The following PPP3CA variants were observed in gnomAD, a reference collection of about 807,000 sequenced individuals.
The protein encoded by PPP3CA is CAM-PRP catalytic subunit.
A neutral mutation model predicts 66.5 loss-of-function variants in PPP3CA; 14 were observed. The ratio of observed to expected loss-of-function variants is 0.21; its 90% confidence interval spans 0.14 to 0.33. The LOEUF (loss-of-function observed/expected upper bound fraction) is 0.33. Among genes scored for constraint, PPP3CA ranks in the 10% least tolerant of loss-of-function variants. The pLI is 1.00. For synonymous variants in PPP3CA, 232 were observed against 226.2 expected (o/e 1.03, Z -0.23); for missense variants, 317 against 639.5 (o/e 0.50, Z 5.44).
rs575433591 is a variant in PPP3CA at position 101,110,842 on chromosome 4, C to A, written c.260-1764G>T. On this transcript the variant is annotated intron_variant, in intron 2 of 13. Coordinates refer to ENST00000394854, the MANE Select transcript of PPP3CA (RefSeq NM_000944.5). ...GTCCAAGCATTGCCAGGCATGGATG[C>A]CAGTACCTGCTCTGGGGACTTCCAC... Among the ~76,000 whole-genome samples, 3 of 152,152 alleles carry A rather than the reference C, an allele frequency of 2.0e-5. No homozygotes were observed. The South Asian group carries it at 6.2e-4, about 32-fold the overall frequency.
At position 101,196,201 on chromosome 4, in the gene PPP3CA, T is replaced by A. The variant is rs1212891041; in HGVS notation, c.59-85A>T. On this transcript the variant is annotated intron_variant, in intron 1 of 13. Transcript: ENST00000394854. ...AATAACCACCAAATATCCATCCTCA[T>A]CACAAACCAACTAATATAATATTTT... The A allele has an allele frequency of 6.6e-6, 8 of 1,208,738 alleles. No homozygotes were observed. The East Asian group carries it at 2.0e-4, about 30-fold the overall frequency. 74.9% of individuals were successfully genotyped at this position (1,208,738 alleles called of 1,614,324 possible).
At chr4:101,065,074 A>G (rs1022520152) in intron 8 of PPP3CA, among the ~76,000 whole-genome samples, 1 of 152,014 alleles carries the variant, frequency 6.6e-6, no homozygotes. Flanking sequence ...CCTGTGGAAT[A>G]CTAATTCCTG....
intron 10 of PPP3CA, among the ~76,000 whole-genome samples, chr4:101,050,876 C>T (rs1404508979): frequency 6.6e-6 from 1 of 152,060 alleles, no homozygotes; most frequent in Admixed American, 6.6e-5. Context: ...ATGAACATTC[C>T]AGTTTTTCAA....
intron 2 of PPP3CA, among the ~76,000 whole-genome samples, chr4:101,147,977 C>T (rs1056353678): frequency 1.3e-5 from 2 of 152,142 alleles, no homozygotes; most frequent in Non-Finnish European, 1.5e-5. Flanking sequence ...AAAATAGACA[C>T]AATCAGGTAA....
At chr4:101,214,281 GCCTGAGTGT>G (rs137908745) in intron 1 of PPP3CA, among the ~76,000 whole-genome samples, 15,583 of 151,916 alleles carry the variant, frequency 0.1, 2,579 homozygotes, top group African/African-American at 0.35. Context: ...ATCCTACTAT[GCCTGAGTGT>G]CCTCATCTGT....
chr4:101,343,294 T>G (rs1298178588), intron 1 of PPP3CA, among the ~76,000 whole-genome samples: 1 of 152,178 alleles, frequency 6.6e-6, no homozygotes, highest in African/African-American at 2.4e-5. Context: ...CCTCTAAGTA[T>G]TTTTAACTAT....
At chr4:101,285,728 A>G (rs1727827198) in intron 1 of PPP3CA, among the ~76,000 whole-genome samples, 1 of 151,912 alleles carries the variant, frequency 6.6e-6, no homozygotes, top group South Asian at 2.1e-4. Flanking sequence ...AGCACGACCC[A>G]CAAAGTCAAC....
chr4:101,121,190 A>G (rs1722016155), intron 2 of PPP3CA, among the ~76,000 whole-genome samples: 2 of 152,084 alleles, frequency 1.3e-5, no homozygotes, highest in Non-Finnish European at 2.9e-5. Flanking sequence ...AGGATTATCA[A>G]TCAACTCTTC....
chr4:101,324,962 A>G (rs1729166693), intron 1 of PPP3CA, among the ~76,000 whole-genome samples: 1 of 152,236 alleles, frequency 6.6e-6, no homozygotes, highest in Non-Finnish European at 1.5e-5. Context: ...CTCTACTCCT[A>G]TAAAACTAGT....
intron 1 of PPP3CA, among the ~76,000 whole-genome samples, chr4:101,246,099 A>G (rs1279779823): frequency 6.6e-6 from 1 of 152,136 alleles, no homozygotes. Context: ...ACCTCATCCT[A>G]CACAGGCTTC....
intron 1 of PPP3CA, among the ~76,000 whole-genome samples, chr4:101,333,632 CTT>C (rs1336441511): frequency 1.3e-5 from 2 of 152,100 alleles, no homozygotes; most frequent in Non-Finnish European, 2.9e-5. Context: ...TGGTCTGCCT[CTT>C]GTCTTTGATA....
chr4:101,212,330 A>C (rs1172130580), intron 1 of PPP3CA, among the ~76,000 whole-genome samples: 1 of 152,160 alleles, frequency 6.6e-6, no homozygotes, highest in Non-Finnish European at 1.5e-5. Flanking sequence ...TTTGAGTTGG[A>C]AGCCATTATC....
chr4:101,167,870 A>AG (rs1723742598), intron 2 of PPP3CA, among the ~76,000 whole-genome samples: 1 of 152,204 alleles, frequency 6.6e-6, no homozygotes, highest in Non-Finnish European at 1.5e-5. Context: ...TAGCAGGAGT[A>AG]GGAGTTGAAA....
At chr4:101,172,895 T>A (rs1459418621) in intron 2 of PPP3CA, among the ~76,000 whole-genome samples, 1 of 152,214 alleles carries the variant, frequency 6.6e-6, no homozygotes, top group African/African-American at 2.4e-5. Flanking sequence ...AATGCTACTT[T>A]ATTTTCACAA....
intron 1 of PPP3CA, among the ~76,000 whole-genome samples, chr4:101,228,613 A>G (rs951932987): frequency 4.0e-5 from 6 of 151,684 alleles, no homozygotes; most frequent in Middle Eastern, 3.4e-3. Flanking sequence ...AATCTTTCAT[A>G]AAAAAGGGGC....
At chr4:101,239,243 A>T (rs1189935443) in intron 1 of PPP3CA, among the ~76,000 whole-genome samples, 1 of 152,158 alleles carries the variant, frequency 6.6e-6, no homozygotes, top group African/African-American at 2.4e-5. Flanking sequence ...AAAAAGGCAC[A>T]GTCTCACTAA....
At chr4:101,295,428 A>G (rs1728173390) in intron 1 of PPP3CA, among the ~76,000 whole-genome samples, 1 of 152,104 alleles carries the variant, frequency 6.6e-6, no homozygotes, top group Non-Finnish European at 1.5e-5. Context: ...TCTATTTTGT[A>G]CATAAAGCTT....
chr4:101,059,814 A>G (rs1024239150), intron 10 of PPP3CA, among the ~76,000 whole-genome samples: 3 of 152,118 alleles, frequency 2.0e-5, no homozygotes, highest in Admixed American at 6.6e-5. Context: ...CCAGTTTGCA[A>G]CTTCTTCAAA....
intron 2 of PPP3CA, among the ~76,000 whole-genome samples, chr4:101,110,031 CT>C (rs1225195728): frequency 6.6e-6 from 1 of 152,050 alleles, no homozygotes; most frequent in Admixed American, 6.6e-5. Flanking sequence ...TGATCCAAAG[CT>C]TTTCCTGTCA....
Sources: gnomAD v4.1 joint callset for allele counts (sites outside exome capture counted in the v4.1 genomes callset) on GRCh38, gnomAD v4.1.1 for gene constraint, MANE v1.5 for transcripts, NCBI Gene and HGNC (gene_info 2026-07-23, HGNC 2026-07-21) for gene names.